DMRTC2: variants seen among roughly 807,000 people sequenced by gnomAD.
DMRTC2 encodes the protein doublesex- and mab-3-related transcription factor C2.
A neutral mutation model predicts 39.9 loss-of-function variants in DMRTC2; 13 were observed. The observed-to-expected ratio is 0.33, with a 90% CI of 0.21 to 0.52. DMRTC2 has a LOEUF of 0.52. DMRTC2 is among the 20% of genes least tolerant of loss of function. The probability of loss-of-function intolerance (pLI) is 0.96; values close to 1 mark genes in which losing one functional copy is unlikely to be tolerated. For missense variants in DMRTC2, 431 were observed against 472.8 expected, an observed-to-expected ratio of 0.91 and a Z score of 0.82; for synonymous variants, 189 against 185.2, an observed-to-expected ratio of 1.02 and a Z score of -0.17.
At chr19:41,845,602 C>G (rs1337078050) in intron 1 of DMRTC2, among the ~76,000 whole-genome samples, 2 of 152,054 alleles carry the variant, frequency 1.3e-5, no homozygotes, top group Non-Finnish European at 2.9e-5. Context: ...GCAGGCAGGT[C>G]GCTTGAGGCA....
Position 41,850,656 on chromosome 19 carries a change from C to T in DMRTC2, c.947C>T (p.Pro316Leu). 3 of 1,606,912 alleles carry T rather than the reference C, an allele frequency of 1.9e-6. No individual in the cohort carries two copies. Among genetic ancestry groups the T allele is most frequent in the Non-Finnish European group, 1.7e-6 (2 of 1,176,556 alleles). Residue 316 changes from proline (P) to leucine (L), a missense_variant, in exon 8 of 9, where the codon CCC becomes CTC. Physicochemically the swap from Pro to Leu is moderately conservative, Grantham distance 98. Coordinates refer to ENST00000269945, the MANE Select transcript of DMRTC2 (RefSeq NM_001040283.3). ...CCTCGTGTGACCCCTTCTGTGCCCCCCAACCCTGCCTGGATCTCCCTGCTT... is the reference window on the plus strand; with the variant it reads ...CCTCGTGTGACCCCTTCTGTGCCCCTCAACCCTGCCTGGATCTCCCTGCTT... The part of the protein sequence containing the change: ...QAPRVTPSVP[P>L]NPAWISLLHP...
chr19:41,851,503 G>T (rs533997140), intron 8 of DMRTC2, 81 bp from the exon 9 acceptor site: 8 of 1,183,730 alleles, frequency 6.8e-6, no homozygotes, highest in Non-Finnish European at 8.6e-6. Flanking sequence ...ATGAGGCCTG[G>T]ATTGGATTCG....
In DMRTC2 at chr19:41,850,643, C is replaced by T; in HGVS notation, c.934C>T (p.Pro312Ser). 2.5e-6 allele frequency: 4 copies of T among 1,611,976 alleles called. No homozygotes were observed. Among genetic ancestry groups the T allele is most frequent in the Admixed American group, 3.3e-5 (2 of 59,710 alleles). The change falls in exon 8 of 9, where the codon CCT becomes TCT. Residue 312 changes from proline (P) to serine (S), a missense_variant. Transcript: ENST00000269945. ...KDSSQAPRVT[P>S]SVPPNPAWIS... The stretch of plus-strand genomic sequence containing the variant: ...TTCATCCCAGGCTCCTCGTGTGACC[C>T]CTTCTGTGCCCCCCAACCCTGCCTG...
chr19:41,847,102 T>C (rs1397664297), intron 1 of DMRTC2, among the ~76,000 whole-genome samples: 1 of 150,162 alleles, frequency 6.7e-6, no homozygotes, highest in Non-Finnish European at 1.5e-5. Flanking sequence ...GGAGAATCGC[T>C]TGAACCCGGG....
intron 8 of DMRTC2, chr19:41,851,314 GAACAGC>G: frequency 2.4e-6 from 1 of 417,588 alleles, no homozygotes; most frequent in South Asian, 3.8e-5. Context: ...TAGGTGTCTA[GAACAGC>G]AACTGTATGT....
chr19:41,851,549 G>A, intron 8 of DMRTC2, 35 bp from the exon 9 acceptor site: 4 of 1,581,974 alleles, frequency 2.5e-6, no homozygotes, highest in Non-Finnish European at 3.5e-6. Flanking sequence ...AAAAACAGGT[G>A]TGACCTGATC....
chr19:41,851,484 A>G (rs1438188698), intron 8 of DMRTC2, 100 bp from the exon 9 acceptor site: 1 of 950,720 alleles, frequency 1.1e-6, no homozygotes, highest in African/African-American at 1.6e-5. Context: ...ATAATCCAGG[A>G]GAACAATGAT....
chr19:41,848,766 A>G, intron 4 of DMRTC2, 29 bp from the exon 5 acceptor site: 1 of 1,605,836 alleles, frequency 6.2e-7, no homozygotes, highest in Non-Finnish European at 8.5e-7. Flanking sequence ...CTTGTACCCA[A>G]CTCCAGCCTG....
Position 41,848,490 on chromosome 19 carries a change from C to A in DMRTC2, c.409C>A (p.His137Asn). 1.2e-6 allele frequency: 2 copies of A among 1,604,602 alleles called. No homozygotes were observed. Among genetic ancestry groups the A allele is most frequent in the East Asian group, 2.3e-5 (1 of 44,148 alleles). ...ENIAPQPQTP[H>N]GAVLLAPTPP... ...CATAGCACCCCAGCCTCAGACCCCCCATGGGGCAGTCCTGCTGGCACCGAC... is the reference window on the plus strand; with the variant it reads ...CATAGCACCCCAGCCTCAGACCCCCAATGGGGCAGTCCTGCTGGCACCGAC... Residue 137 changes from histidine to asparagine, a missense_variant, in exon 4 of 9, where the codon CAT becomes AAT. Physicochemically the swap from His to Asn is moderately conservative, Grantham distance 68. Coordinates refer to ENST00000269945, the MANE Select transcript of DMRTC2 (RefSeq NM_001040283.3).
At chr19:41,850,729 G>A (rs782088953) in intron 8 of DMRTC2, 29 bp downstream of exon 8, 4 of 1,528,234 alleles carry the variant, frequency 2.6e-6, no homozygotes, top group Non-Finnish European at 3.5e-6. Context: ...GGATGGATAG[G>A]GATGGCTGGG....
rs1555836543 is a variant in DMRTC2 at position 41,848,545 on chromosome 19, G to T, written c.447+17G>T. ...CCCGGGAAGGTAAGGAGAGGCTGGG[G>T]CCTGAGAAAGTGTCCCCCACCCTAG... is the stretch of plus-strand genomic sequence containing the variant. On this transcript the variant is annotated intron_variant, in intron 4 of 8. Transcript: ENST00000269945. 1.3e-6 allele frequency: 2 copies of T among 1,547,724 alleles called. No homozygotes were observed. The highest frequency in any genetic ancestry group is 1.7e-6 in the Non-Finnish European group (2 of 1,146,660).
In DMRTC2 at chr19:41,847,168, G is replaced by C. The variant is rs1220282490; in HGVS notation, c.-4-257G>C. On this transcript the variant is annotated intron_variant, in intron 1 of 8. Coordinates refer to ENST00000269945, the MANE Select transcript of DMRTC2 (RefSeq NM_001040283.3). ...CCACTGCACTCCAGCCTGGGAGACA[G>C]AGTGAGACTCCATCTCAAAAAAAAA... 6.2e-6 allele frequency: 5 copies of C among 812,144 alleles called. No individual in the cohort carries two copies. The East Asian group carries it at 6.8e-4, about 110-fold the overall frequency. The allele number at this position is 812,144 out of a possible 1,614,324, so 50.3% of individuals were successfully genotyped here.
chr19:41,849,157 T>G lies in DMRTC2; in HGVS notation c.656T>G (p.Leu219Arg). 6.2e-7 allele frequency: 1 copy of G among 1,614,214 alleles called. No homozygotes were observed. Among genetic ancestry groups the G allele is most frequent in the Non-Finnish European group, 8.5e-7 (1 of 1,180,032 alleles). The change falls in exon 6 of 9, where the codon CTG (leucine) becomes CGG (arginine). Residue 219 changes from leucine to arginine, a missense_variant. Leu to Arg is a moderately radical substitution (Grantham distance 102, BLOSUM62 -2). Transcript: ENST00000269945. ...PGFDPGTSLQ[L>R]PTHGPFTTCP... ...TTTGACCCTGGCACCTCCCTCCAGC[T>G]GCCCACTCATGGGCCCTTCACCACC...
chr19:41,848,345 C>CAAA (rs797033084), intron 3 of DMRTC2, 107 bp from the exon 4 acceptor site: 14 of 781,074 alleles, frequency 1.8e-5, no homozygotes, highest in African/African-American at 7.7e-5. Context: ...GACTCCATCT[C>CAAA]AAAAAAAAAA....
At chr19:41,851,328 T>C (rs1214257208) in intron 8 of DMRTC2, 2 of 452,818 alleles carry the variant, frequency 4.4e-6, no homozygotes, top group Non-Finnish European at 8.0e-6. Context: ...AGCAACTGTA[T>C]GTGAAGGGGA....
At chr19:41,851,260 AG>A (rs2073952422) in intron 8 of DMRTC2, 1 of 294,380 alleles carries the variant, frequency 3.4e-6, no homozygotes, top group African/African-American at 2.2e-5. Flanking sequence ...GAGGGAAAGG[AG>A]GCTGGAGAGG....
intron 3 of DMRTC2, 136 bp downstream of exon 3, chr19:41,848,017 C>G: frequency 7.8e-7 from 1 of 1,282,982 alleles, no homozygotes. Context: ...CTCAGCTGTC[C>G]CAGCGTTGAG....
At chr19:41,851,421 G>A (rs2073955106) in intron 8 of DMRTC2, 163 bp from the exon 9 acceptor site, 3 of 603,984 alleles carry the variant, frequency 5.0e-6, no homozygotes, top group Middle Eastern at 4.5e-4. Flanking sequence ...TTTGATGGAC[G>A]GTTTGGAGGA....
chr19:41,847,475 C>G lies in DMRTC2; in HGVS notation c.47C>G (p.Ser16Cys), dbSNP rs2073881728. 6.2e-7 allele frequency: 1 copy of G among 1,608,526 alleles called. No individual in the cohort carries two copies. The highest frequency in any genetic ancestry group is 8.5e-7 in the Non-Finnish European group (1 of 1,176,840). ...GCTGGCTACCACTGCCCCTTAGACT[C>G]TGCCCCCTGGGATGAGACCAGAGAC... ...MPAGYHCPLD[S>C]APWDETRDPQ... Residue 16 changes from serine (S) to cysteine (C), a missense_variant, in exon 2 of 9, where the codon TCT (serine) becomes TGT (cysteine). Physicochemically the swap from Ser to Cys is moderately radical, Grantham distance 112. Transcript: ENST00000269945.
Sources: allele counts gnomAD v4.1 joint callset (sites outside exome capture counted in the v4.1 genomes callset), GRCh38; gene constraint gnomAD v4.1.1; transcripts MANE v1.5; gene names NCBI Gene and HGNC (gene_info 2026-07-23, HGNC 2026-07-21).